The following FREM1 variants were observed in gnomAD, a reference collection of about 807,000 sequenced individuals.
The protein encoded by FREM1 is FRAS1 related extracellular matrix 1.
A neutral mutation model predicts 210.1 loss-of-function variants in FREM1; 220 were observed. That is an observed-to-expected ratio of 1.05 (90% CI 0.94 to 1.17). The LOEUF (loss-of-function observed/expected upper bound fraction) is 1.17, where lower values mean the gene tolerates loss of function less well. Ranked by LOEUF, FREM1 falls within the 50% of genes most tolerant of loss-of-function variation. FREM1 has a pLI of 0.00. For missense variants in FREM1, 3,454 were observed against 2,675.5 expected (o/e 1.29, Z -6.42); for synonymous variants, 1,189 against 980.2 (o/e 1.21, Z -3.98).
At chr9:14,799,181 G>A (rs1853045492) in intron 20 of FREM1, among the ~76,000 whole-genome samples, 1 of 151,954 alleles carries the variant, frequency 6.6e-6, no homozygotes, top group Non-Finnish European at 1.5e-5. Context: ...AGCTAGTTGG[G>A]AGGCTGAGGT....
At chr9:14,783,065 T>C (rs1245095649) in intron 24 of FREM1, among the ~76,000 whole-genome samples, 1 of 152,218 alleles carries the variant, frequency 6.6e-6, no homozygotes, top group East Asian at 1.9e-4. Flanking sequence ...GTTAAAATAT[T>C]GATCAATTAA....
chr9:14,782,326 A>C, intron 24 of FREM1: 2 of 976,568 alleles, frequency 2.0e-6, no homozygotes, highest in Non-Finnish European at 2.4e-6. Context: ...CAATCGTTTC[A>C]TACGGAGGTT....
intron 10 of FREM1, 53 bp from the exon 11 acceptor site, chr9:14,825,045 G>C (rs10961733): frequency 1.6e-6 from 2 of 1,272,134 alleles, no homozygotes; most frequent in Non-Finnish European, 2.2e-6. Context: ...AAACAACAAA[G>C]AAAATGCCCC....
In FREM1 at chr9:14,787,521, C is replaced by A. The variant is rs571187197; in HGVS notation, c.4177+1398G>T. Among the ~76,000 whole-genome samples, 3 of 152,286 alleles carry A rather than the reference C, an allele frequency of 2.0e-5. No homozygotes were observed. In the East Asian group the frequency reaches 5.8e-4, roughly 29 times the overall value. ...TATTGCCCAGCCTCTCTTAATGTGG[C>A]ATGTGGCTGTGATTCAGCCACTGGA... On this transcript the variant is annotated intron_variant, in intron 23 of 36. Transcript: ENST00000380880.
intron 1 of FREM1, among the ~76,000 whole-genome samples, chr9:14,880,816 G>A (rs145327972): frequency 5.9e-4 from 90 of 152,162 alleles, no homozygotes; most frequent in African/African-American, 2.0e-3. Context: ...GACAGCCAGC[G>A]CAAAGCAATC....
At chr9:14,805,182 T>TA (rs752430848) in intron 18 of FREM1, 30 bp from the exon 19 acceptor site, 1,962 of 1,351,264 alleles carry the variant, frequency 1.5e-3, no homozygotes, top group South Asian at 2.1e-3. Flanking sequence ...AACAGATAAA[T>TA]AAAAAAAAAA....
chr9:14,741,100 A>T (rs1841496775), intron 35 of FREM1, among the ~76,000 whole-genome samples: 1 of 152,316 alleles, frequency 6.6e-6, no homozygotes, highest in South Asian at 2.1e-4. Flanking sequence ...ACATAAAATT[A>T]AATTTTAAAA....
At position 14,812,954 on chromosome 9, in the gene FREM1, A is replaced by G. The variant is rs1175668847; in HGVS notation, c.2751T>C (p.Thr917=). ...VVITSEYIFA[T]DVDSDNLKLM... is the part of the protein sequence containing the mutation. ...ACTTCAAGTTATCGCTGTCCACATC[A>G]GTAGCAAAAATGTATTCAGAGGTGA... Residue 917 remains threonine, a synonymous_variant, in exon 16 of 37, where the codon ACT becomes ACC. Transcript: ENST00000380880. 1 of 1,613,976 alleles carries G rather than the reference A, an allele frequency of 6.2e-7. No individual in the cohort carries two copies.
At chr9:14,832,223 T>A (rs886269500) in intron 10 of FREM1, among the ~76,000 whole-genome samples, 1 of 152,196 alleles carries the variant, frequency 6.6e-6, no homozygotes, top group Non-Finnish European at 1.5e-5. Context: ...TCCCCCTTAT[T>A]TGGGGCCCCT....
At chr9:14,740,654 T>C (rs1434967688) in intron 35 of FREM1, among the ~76,000 whole-genome samples, 1 of 152,212 alleles carries the variant, frequency 6.6e-6, no homozygotes, top group Non-Finnish European at 1.5e-5. Context: ...AAACTAACTA[T>C]TTAGATAAAA....
intron 29 of FREM1, among the ~76,000 whole-genome samples, chr9:14,755,376 T>C (rs1001186972): frequency 2.0e-5 from 3 of 152,252 alleles, no homozygotes; most frequent in African/African-American, 7.2e-5. Flanking sequence ...TGGCAGATGA[T>C]GTCAATAGTT....
At chr9:14,807,326 T>G (rs896243336) in intron 17 of FREM1, among the ~76,000 whole-genome samples, 1 of 152,166 alleles carries the variant, frequency 6.6e-6, no homozygotes, top group African/African-American at 2.4e-5. Context: ...AACGAAGAGT[T>G]TTTTCGTGGC....
chr9:14,859,112 G>T, intron 4 of FREM1, 71 bp downstream of exon 4: 1 of 1,249,756 alleles, frequency 8.0e-7, no homozygotes. Flanking sequence ...TCATCATGGT[G>T]GAAGGTGAGC....
intron 19 of FREM1, among the ~76,000 whole-genome samples, chr9:14,804,467 C>G (rs1179678424): frequency 1.3e-5 from 2 of 152,164 alleles, no homozygotes; most frequent in African/African-American, 2.4e-5. Context: ...CACCTGCAGT[C>G]CCAGCTACTC....
intron 16 of FREM1, among the ~76,000 whole-genome samples, chr9:14,808,924 A>C (rs1023521967): frequency 6.6e-6 from 1 of 152,204 alleles, no homozygotes; most frequent in Non-Finnish European, 1.5e-5. Flanking sequence ...AGTTTTGCAC[A>C]TGTGCTGTTG....
chr9:14,816,964 T>G (rs1284483342), intron 14 of FREM1, 93 bp from the exon 15 acceptor site: 1 of 419,746 alleles, frequency 2.4e-6, no homozygotes, highest in African/African-American at 2.0e-5. Flanking sequence ...GCTTTGGCCA[T>G]GTGTTCACTA....
At chr9:14,747,540 T>C in intron 32 of FREM1, 112 bp from the exon 33 acceptor site, 2 of 1,178,122 alleles carry the variant, frequency 1.7e-6, no homozygotes, top group Non-Finnish European at 2.4e-6. Flanking sequence ...AGAGGATTTG[T>C]TTCTCTGAAC....
Position 14,776,188 on chromosome 9 carries a change from A to T in FREM1, c.4458T>A (p.Asn1486Lys). The change falls in exon 25 of 37, where the codon AAT becomes AAA. Residue 1486 changes from asparagine to lysine, a missense_variant. Coordinates refer to ENST00000380880, the MANE Select transcript of FREM1 (RefSeq NM_001379081.2). ...ACACCCCGTGCTCGGTCCGCAGTCC[A>T]TTGCTGATGATGAATCTGGTAAAGA... ...SSDRFRFIIS[N>K]GLRTEHGVFE... 2 of 1,522,674 alleles carry T rather than the reference A, an allele frequency of 1.3e-6. No homozygotes were observed. Among genetic ancestry groups the T allele is most frequent in the Non-Finnish European group, 1.8e-6 (2 of 1,135,992 alleles). 94.3% of individuals were successfully genotyped at this position (1,522,674 alleles called of 1,614,324 possible).
intron 4 of FREM1, 134 bp from the exon 5 acceptor site, chr9:14,857,883 C>G: frequency 9.3e-6 from 5 of 537,850 alleles, no homozygotes; most frequent in Non-Finnish European, 1.5e-5. Flanking sequence ...TCCAATCATT[C>G]ACTGAGTGGG....
Sources: allele counts gnomAD v4.1 joint callset (sites outside exome capture counted in the v4.1 genomes callset), GRCh38; gene constraint gnomAD v4.1.1; transcripts MANE v1.5; gene names NCBI Gene and HGNC (gene_info 2026-07-23, HGNC 2026-07-21).